The following USP39 variants were observed in gnomAD, a reference collection of about 807,000 sequenced individuals.
USP39 encodes the protein ubiquitin specific peptidase 39, also known as ubiquitin carboxyl-terminal hydrolase 39.
In USP39, 38 loss-of-function variants were observed where a neutral mutation model predicts 66.4. That is an observed-to-expected ratio of 0.57 (90% CI 0.44 to 0.75). USP39 has a LOEUF of 0.75. Ranked by LOEUF, USP39 falls within the 30% of genes least tolerant of loss-of-function variation. The pLI, the probability that USP39 is intolerant of heterozygous loss-of-function variation, is 0.00. For synonymous variants in USP39, 303 were observed against 274.6 expected (o/e 1.10, Z -1.02); for missense variants, 608 against 714.4 (o/e 0.85, Z 1.70).
intron 10 of USP39, among the ~76,000 whole-genome samples, chr2:85,642,242 C>T (rs1676288829): frequency 6.6e-6 from 1 of 152,206 alleles, no homozygotes. Context: ...TCTTTTTCTA[C>T]ACTTTTCTCC....
intron 10 of USP39, among the ~76,000 whole-genome samples, chr2:85,643,079 A>G (rs1676364508): frequency 6.6e-6 from 1 of 152,038 alleles, no homozygotes; most frequent in South Asian, 2.1e-4. Flanking sequence ...TCTACTAAAA[A>G]AAAAAAAAAA....
intron 2 of USP39, 90 bp downstream of exon 2, chr2:85,619,379 A>G (rs1674276288): frequency 1.4e-6 from 2 of 1,394,698 alleles, no homozygotes; most frequent in Non-Finnish European, 2.0e-6. Context: ...ACACATTGAC[A>G]AACTTTACTT....
upstream of USP39, among the ~76,000 whole-genome samples, chr2:85,614,729 C>T (rs1346579339): frequency 6.6e-6 from 1 of 152,044 alleles, no homozygotes; most frequent in African/African-American, 2.4e-5. Flanking sequence ...ATCTTTAAAG[C>T]AAAATTAGGA....
At chr2:85,634,584 A>C (rs1675617733) in intron 6 of USP39, among the ~76,000 whole-genome samples, 1 of 152,028 alleles carries the variant, frequency 6.6e-6, no homozygotes, top group African/African-American at 2.4e-5. Context: ...GCGAAGAAAA[A>C]ATCTGGGTGC....
chr2:85,618,257 TCTTTAA>T (rs1674150216), intron 1 of USP39, among the ~76,000 whole-genome samples: 1 of 146,884 alleles, frequency 6.8e-6, no homozygotes, highest in Non-Finnish European at 1.5e-5. Context: ...ACCCAGCCAC[TCTTTAA>T]ACTACGTAGT....
At chr2:85,648,125 C>A (rs1676787128) in intron 12 of USP39, 109 bp downstream of exon 12, 7 of 1,124,102 alleles carry the variant, frequency 6.2e-6, no homozygotes, top group Non-Finnish European at 7.9e-6. Context: ...GGTTGGAGGG[C>A]CAGGTACCTA....
chr2:85,637,321 A>T (rs199930229), intron 7 of USP39, 48 bp from the exon 8 acceptor site: 2 of 1,594,600 alleles, frequency 1.3e-6, no homozygotes, highest in African/African-American at 2.7e-5. Context: ...TACTTCAGAC[A>T]TGTTTTCCAT....
intron 11 of USP39, 45 bp from the exon 12 acceptor site, chr2:85,647,885 T>C: frequency 1.3e-6 from 2 of 1,585,986 alleles, no homozygotes; most frequent in Non-Finnish European, 1.7e-6. Flanking sequence ...TACACCCTTT[T>C]GGTTTTAGAG....
chr2:85,604,759 T>C (rs1673156932), intron 1 of USP39, among the ~76,000 whole-genome samples: 1 of 152,248 alleles, frequency 6.6e-6, no homozygotes, highest in Non-Finnish European at 1.5e-5. Context: ...CCAATGGGGC[T>C]GTGAACCCTA....
In USP39 at chr2:85,623,695, C is replaced by T. The variant is rs1449008611; in HGVS notation, c.483C>T (p.His161=). The stretch of plus-strand genomic sequence containing the variant: ...ACATTCACAGTGTCCAGTTTAGCCA[C>T]CATGTTTTCCTCAACCTCCACACCC... ...HAYIHSVQFS[H]HVFLNLHTLK... is the part of the protein sequence containing the mutation. Residue 161 remains histidine, a synonymous_variant, in exon 4 of 13, where the codon CAC becomes CAT. Coordinates refer to ENST00000323701, the MANE Select transcript of USP39 (RefSeq NM_006590.4). 6.2e-7 allele frequency: 1 copy of T among 1,614,008 alleles called. No homozygotes were observed. The highest frequency in any genetic ancestry group is 2.2e-5 in the East Asian group (1 of 44,878).
At position 85,630,933 on chromosome 2, in the gene USP39, G is replaced by T. The variant is rs1675273313; in HGVS notation, c.936G>T (p.Gln312His). Residue 312 changes from glutamine (Q) to histidine (H), a missense_variant, in exon 6 of 13, where the codon CAG becomes CAT. Physicochemically the swap from Gln to His is conservative, Grantham distance 24. Coordinates refer to ENST00000323701, the MANE Select transcript of USP39 (RefSeq NM_006590.4). ...TACTTTGCAGTAAGAAGACTTTTCA[G>T]ATCACCAAACAAGGTAAGAACAAGT... Reference protein sequence around the residue: ...AVVLCSKKTFQITKQGDGVDF... With the variant: ...AVVLCSKKTFHITKQGDGVDF... The T allele has an allele frequency of 6.2e-7, 1 of 1,614,020 alleles. No individual in the cohort carries two copies.
chr2:85,608,887 TG>T (rs1673321562), upstream of USP39: 1 of 1,598,844 alleles, frequency 6.3e-7, no homozygotes, highest in African/African-American at 1.3e-5. Flanking sequence ...CTAAATTCCC[TG>T]GGCAGAATTC....
intron 2 of USP39, among the ~76,000 whole-genome samples, chr2:85,620,079 A>G (rs1374223419): frequency 6.6e-6 from 1 of 151,492 alleles, no homozygotes; most frequent in Admixed American, 6.6e-5. Flanking sequence ...GCTGACCTCA[A>G]ACTCCTGAAC....
intron 5 of USP39, among the ~76,000 whole-genome samples, chr2:85,627,693 G>A (rs1674984136): frequency 1.3e-5 from 2 of 152,066 alleles, no homozygotes; most frequent in African/African-American, 2.4e-5. Flanking sequence ...TAGCTGTTTG[G>A]GAGGCTGAGG....
chr2:85,611,831 G>C, upstream of USP39: 1 of 1,605,956 alleles, frequency 6.2e-7, no homozygotes, highest in Non-Finnish European at 8.5e-7. Context: ...GGCCGGGCCA[G>C]GCCAGGCCAG....
chr2:85,648,420 C>G (rs1213169135), intron 12 of USP39, among the ~76,000 whole-genome samples: 1 of 152,140 alleles, frequency 6.6e-6, no homozygotes, highest in Non-Finnish European at 1.5e-5. Context: ...TGTTTTAGTG[C>G]CGGCCATATC....
chr2:85,643,475 C>T (rs1372959307), intron 10 of USP39, among the ~76,000 whole-genome samples: 1 of 150,658 alleles, frequency 6.6e-6, no homozygotes, highest in Admixed American at 6.6e-5. Flanking sequence ...GTCTGGGCGA[C>T]AGAGCGAGAC....
chr2:85,603,726 G>A (rs1418060808), intron 1 of USP39, among the ~76,000 whole-genome samples: 2 of 151,948 alleles, frequency 1.3e-5, no homozygotes, highest in Non-Finnish European at 2.9e-5. Flanking sequence ...CGAGTAGCTG[G>A]GAACTACAGG....
rs751798553 is a variant in USP39, at chr2:85,616,271, G to A, written c.76G>A (p.Gly26Ser). 2 of 1,543,610 alleles carry A rather than the reference G, an allele frequency of 1.3e-6. No homozygotes were observed. The highest frequency in any genetic ancestry group is 1.9e-5 in the Admixed American group (1 of 52,208). ...KRESESRGSS[G>S]RVKRERDRER... Reference sequence around the variant, plus strand: ...AGAGTCTGAGTCGCGGGGCAGCTCCGGTCGCGTCAAGCGGGAGCGAGATCG... The same window carrying A: ...AGAGTCTGAGTCGCGGGGCAGCTCCAGTCGCGTCAAGCGGGAGCGAGATCG... Residue 26 changes from glycine (G) to serine (S), a missense_variant, in exon 1 of 13, where the codon GGT becomes AGT. Gly to Ser is a moderately conservative substitution (Grantham distance 56). Around this residue, in one of 6 missense-constraint regions of USP39, gnomAD observed 207 missense variants for 145.7 expected, o/e 1.42. Transcript: ENST00000323701.
Sources: allele counts gnomAD v4.1 joint callset (sites outside exome capture counted in the v4.1 genomes callset), GRCh38; gene constraint gnomAD v4.1.1; regional missense constraint gnomAD v4.1.1; transcripts MANE v1.5; gene names NCBI Gene and HGNC (gene_info 2026-07-23, HGNC 2026-07-21).